Variants in MAP7D2 observed in about 807,000 individuals in gnomAD.
MAP7D2 encodes the protein MAP7 domain containing 2.
MAP7D2 carries 33 observed loss-of-function variants against 63.5 expected under a neutral mutation model. That is an observed-to-expected ratio of 0.52 (90% CI 0.39 to 0.70). The LOEUF (loss-of-function observed/expected upper bound fraction) is 0.70. Among genes scored for constraint, MAP7D2 ranks in the 30% least tolerant of loss-of-function variants. MAP7D2 has a pLI of 0.00. For missense variants in MAP7D2, 626 were observed against 604.0 expected, an observed-to-expected ratio of 1.04 and a Z score of -0.38; for synonymous variants, 224 against 223.7, an observed-to-expected ratio of 1.00 and a Z score of -0.01.
chrX:20,048,351 G>A (rs981873144), intron 6 of MAP7D2, among the ~76,000 whole-genome samples: 1 of 111,279 alleles, frequency 9.0e-6, no homozygotes, highest in Non-Finnish European at 1.9e-5. Flanking sequence ...ACATGTTGTC[G>A]TAACTCATTG....
At position 20,008,360 on chromosome X, in the gene MAP7D2, G is replaced by A. The variant is rs2073069078; in HGVS notation, c.*65C>T. 1 of 112,003 alleles carries A rather than the reference G, an allele frequency of 8.9e-6. No homozygotes were observed. The highest frequency in any genetic ancestry group is 1.9e-5 in the Non-Finnish European group (1 of 53,206). The allele number at this position is 112,003 out of a possible 1,213,427, so 9.2% of individuals were successfully genotyped here. A position where few individuals can be genotyped will look rare whatever the true frequency, so the allele number is the denominator to read the frequency against. On this transcript the variant is annotated 3_prime_UTR_variant, in exon 17 of 17. Coordinates refer to ENST00000379643, the MANE Select transcript of MAP7D2 (RefSeq NM_001168465.2). ...AGCTTCTTCAAGCAGCTAGTAGCTC[G>A]GATTTGACTATCAGCAGCTTTACGG...
intron 5 of MAP7D2, 140 bp from the exon 6 acceptor site, chrX:20,051,086 T>C: frequency 1.8e-6 from 1 of 547,470 alleles, no homozygotes; most frequent in South Asian, 3.7e-5. Flanking sequence ...GAACAAAGGA[T>C]GGATTTGGAA....
At chrX:20,081,946 G>A (rs760075130) in intron 1 of MAP7D2, among the ~76,000 whole-genome samples, 5 of 111,663 alleles carry the variant, frequency 4.5e-5, no homozygotes, top group South Asian at 3.7e-4. Flanking sequence ...CACCGCGCCC[G>A]GCCCAGATCT....
chrX:20,025,999 C>G lies in MAP7D2; in HGVS notation c.1008-47G>C, dbSNP rs754812292. 2.6e-6 allele frequency: 3 copies of G among 1,162,386 alleles called. No homozygotes were observed. The African/African-American group carries it at 5.4e-5, about 21-fold the overall frequency. ...AGAGGATGATTACTGGGCCTGAACACAGAGCTCTCTGTTCCTAAGACACCT... is the reference window on the plus strand; with the variant it reads ...AGAGGATGATTACTGGGCCTGAACAGAGAGCTCTCTGTTCCTAAGACACCT... On this transcript the variant is annotated intron_variant, in intron 8 of 16. Transcript: ENST00000379643.
At chrX:20,085,958 T>C (rs749363959) in intron 1 of MAP7D2, among the ~76,000 whole-genome samples, 2 of 111,988 alleles carry the variant, frequency 1.8e-5, no homozygotes, top group Non-Finnish European at 3.8e-5. Context: ...GTGATCCACC[T>C]GCCTCAGCCT....
chrX:20,045,079 A>G (rs751889312), intron 6 of MAP7D2, among the ~76,000 whole-genome samples: 2 of 111,457 alleles, frequency 1.8e-5, no homozygotes, highest in East Asian at 5.6e-4. Flanking sequence ...AACCCTGGGC[A>G]CTGAGTTTCT....
At chrX:20,054,985 T>C (rs1278805588) in intron 4 of MAP7D2, among the ~76,000 whole-genome samples, 1 of 112,302 alleles carries the variant, frequency 8.9e-6, no homozygotes, top group Non-Finnish European at 1.9e-5. Context: ...GGATTATTCA[T>C]TGTCAAAGGA....
intron 6 of MAP7D2, among the ~76,000 whole-genome samples, chrX:20,047,805 G>A (rs374086657): frequency 1.8e-5 from 2 of 109,227 alleles, no homozygotes; most frequent in East Asian, 5.6e-4. Flanking sequence ...AAGAGCAACA[G>A]AGCAAGACCT....
chrX:20,041,701 G>A (rs2064659470), intron 8 of MAP7D2, among the ~76,000 whole-genome samples: 1 of 111,585 alleles, frequency 9.0e-6, no homozygotes, highest in Admixed American at 9.5e-5. Flanking sequence ...TTCTTTCTCT[G>A]TCCTACTAAA....
chrX:20,096,919 G>A (rs1033878552), intron 1 of MAP7D2, among the ~76,000 whole-genome samples: 1 of 111,956 alleles, frequency 8.9e-6, no homozygotes, highest in Non-Finnish European at 1.9e-5. Context: ...ATTTAAGAAG[G>A]TTAAAATATT....
chrX:20,063,222 T>C (rs2065265091), intron 3 of MAP7D2, among the ~76,000 whole-genome samples, 192 bp downstream of exon 3: 1 of 112,169 alleles, frequency 8.9e-6, no homozygotes, highest in African/African-American at 3.2e-5. Context: ...GTTGAATGGA[T>C]AAGTCTCTGC....
intron 8 of MAP7D2, among the ~76,000 whole-genome samples, chrX:20,032,223 C>T (rs980171232): frequency 8.9e-6 from 1 of 112,181 alleles, no homozygotes; most frequent in Non-Finnish European, 1.9e-5. Flanking sequence ...ATAGATATGG[C>T]TGCAAGGAGG....
intron 7 of MAP7D2, among the ~76,000 whole-genome samples, chrX:20,044,036 G>A (rs767125226): frequency 4.5e-5 from 5 of 111,704 alleles, no homozygotes; most frequent in South Asian, 3.8e-4. Context: ...TTAGATGCAC[G>A]GGCAAGACTG....
chrX:20,026,074 G>A (rs925723739), intron 8 of MAP7D2, 122 bp from the exon 9 acceptor site: 2 of 784,428 alleles, frequency 2.5e-6, no homozygotes, highest in African/African-American at 2.1e-5. Flanking sequence ...GGAAAATAGG[G>A]CTTAGCACAC....
intron 4 of MAP7D2, chrX:20,055,759 A>C: frequency 1.0e-6 from 1 of 993,139 alleles, no homozygotes; most frequent in Non-Finnish European, 1.3e-6. Context: ...CAGCTGCGGC[A>C]GTGGTCCCTG....
Position 20,063,492 on chromosome X carries a change from C to T in MAP7D2, c.294G>A (p.Leu98=). The part of the protein sequence containing the change: ...EKQMEERWRK[L]EEQRQREDQK... ...GGTCCTCCCGCTGCCGCTGCTCTTC[C>T]AGTTTTCGCCATCGCTCCTCCATTT... is the stretch of plus-strand genomic sequence containing the variant. The change falls in exon 3 of 17, where the codon CTG becomes CTA. Residue 98 remains leucine (L), a synonymous_variant. Coordinates refer to ENST00000379643, the MANE Select transcript of MAP7D2 (RefSeq NM_001168465.2). The T allele has an allele frequency of 8.3e-7, 1 of 1,212,053 alleles. No individual in the cohort carries two copies. The highest frequency in any genetic ancestry group is 1.1e-6 in the Non-Finnish European group (1 of 895,492).
chrX:20,075,665 C>G (rs753734910), intron 1 of MAP7D2, among the ~76,000 whole-genome samples: 1 of 111,751 alleles, frequency 8.9e-6, no homozygotes, highest in South Asian at 3.8e-4. Flanking sequence ...ATTAGGAATT[C>G]ATCTTTTGAC....
Position 20,052,982 on chromosome X carries a change from T to A in MAP7D2, c.491A>T (p.Asp164Val), listed in dbSNP as rs755638691. 3.5e-5 allele frequency: 42 copies of A among 1,192,870 alleles called. No individual in the cohort carries two copies. The highest frequency in any genetic ancestry group is 4.7e-5 in the Non-Finnish European group (41 of 879,155). Residue 164 changes from aspartate to valine, a missense_variant, in exon 5 of 17, where the codon GAC becomes GTC. Physicochemically the swap from Asp to Val is radical, Grantham distance 152. Coordinates refer to ENST00000379643, the MANE Select transcript of MAP7D2 (RefSeq NM_001168465.2). ...ACTCATAGTTGATGTTGAAAGTTTG[T>A]CACATGCTGCAGAGAAATGCATTAA... ...AIGPGGHDAC[D>V]KLSTSTMSLP...
intron 10 of MAP7D2, among the ~76,000 whole-genome samples, chrX:20,021,072 G>C (rs1027682006): frequency 1.8e-5 from 2 of 112,237 alleles, no homozygotes; most frequent in African/African-American, 6.5e-5. Context: ...ATCCCATTAA[G>C]ATCTCCTGCT....
Sources: gnomAD v4.1 joint callset for allele counts (sites outside exome capture counted in the v4.1 genomes callset) on GRCh38, gnomAD v4.1.1 for gene constraint, MANE v1.5 for transcripts, NCBI Gene and HGNC (gene_info 2026-07-23, HGNC 2026-07-21) for gene names.